Variants in MYO9A observed in about 807,000 individuals in gnomAD.
The protein encoded by MYO9A is unconventional myosin-IXa.
A neutral mutation model predicts 293.3 loss-of-function variants in MYO9A; 103 were observed. The observed-to-expected ratio is 0.35, with a 90% CI of 0.30 to 0.41. The LOEUF (loss-of-function observed/expected upper bound fraction) is 0.41, where lower values mean the gene tolerates loss of function less well. Ranked by LOEUF, MYO9A falls within the 10% of genes least tolerant of loss-of-function variation. The probability of loss-of-function intolerance (pLI) is 1.00; values close to 1 mark genes in which losing one functional copy is unlikely to be tolerated. For missense variants in MYO9A, 2,685 were observed against 3,033.0 expected (o/e 0.89, Z 2.69); for synonymous variants, 1,001 against 1,035.7 (o/e 0.97, Z 0.64).
chr15:72,060,553 G>A (rs2078849752), intron 1 of MYO9A, among the ~76,000 whole-genome samples: 2 of 152,100 alleles, frequency 1.3e-5, no homozygotes, highest in African/African-American at 4.8e-5. Context: ...AGAGATTGTG[G>A]GACTTTGCAT....
At chr15:71,949,717 C>A (rs1488001559) in intron 15 of MYO9A, among the ~76,000 whole-genome samples, 1 of 151,122 alleles carries the variant, frequency 6.6e-6, no homozygotes, top group Non-Finnish European at 1.5e-5. Context: ...ACAGCAGTCG[C>A]CAGGGATATG....
At chr15:72,031,037 C>T (rs563481143) in intron 3 of MYO9A, among the ~76,000 whole-genome samples, 1 of 152,242 alleles carries the variant, frequency 6.6e-6, no homozygotes, top group African/African-American at 2.4e-5. Context: ...GGAATGTAAA[C>T]CCTATTGTGA....
intron 1 of MYO9A, among the ~76,000 whole-genome samples, chr15:72,105,903 G>A (rs2080550097): frequency 6.6e-6 from 1 of 152,022 alleles, no homozygotes; most frequent in Non-Finnish European, 1.5e-5. Context: ...CAAACTCACT[G>A]AATAAAACTA....
chr15:72,103,901 A>AAGC (rs1405842423), intron 1 of MYO9A, among the ~76,000 whole-genome samples: 1 of 152,164 alleles, frequency 6.6e-6, no homozygotes, highest in Non-Finnish European at 1.5e-5. Flanking sequence ...GGTTGGAGGG[A>AAGC]AGCACTTCTG....
chr15:71,838,767 G>A (rs1296992477), intron 39 of MYO9A, among the ~76,000 whole-genome samples: 6 of 152,114 alleles, frequency 3.9e-5, no homozygotes, highest in African/African-American at 1.4e-4. Context: ...TTTTGACAGA[G>A]AGCCAAGATC....
intron 26 of MYO9A, chr15:71,891,508 C>T (rs2057177174): frequency 6.6e-6 from 1 of 152,140 alleles, no homozygotes; most frequent in South Asian, 2.1e-4. Context: ...TTAGTTTGTT[C>T]CATTACATAA....
chr15:71,974,557 A>G (rs566193155), intron 12 of MYO9A, among the ~76,000 whole-genome samples: 2 of 152,342 alleles, frequency 1.3e-5, no homozygotes, highest in East Asian at 3.9e-4. Context: ...TACCAGATGC[A>G]GTGGTCCTAG....
intron 6 of MYO9A, among the ~76,000 whole-genome samples, chr15:72,015,133 G>T (rs962018036): frequency 1.3e-5 from 2 of 151,268 alleles, no homozygotes; most frequent in African/African-American, 2.4e-5. Flanking sequence ...GTGACCCACC[G>T]CACCTGGCCA....
At chr15:71,894,425 A>C (rs950703578) in intron 25 of MYO9A, among the ~76,000 whole-genome samples, 93 of 152,140 alleles carry the variant, frequency 6.1e-4, no homozygotes, top group African/African-American at 2.2e-3. Context: ...AAAAATATAA[A>C]AATTAGCTGG....
At chr15:72,000,453 C>T (rs1261322666) in intron 8 of MYO9A, among the ~76,000 whole-genome samples, 8 of 152,236 alleles carry the variant, frequency 5.3e-5, no homozygotes, top group Admixed American at 5.2e-4. Flanking sequence ...CCTTTGTTCT[C>T]ACTCTCTCCC....
intron 1 of MYO9A, among the ~76,000 whole-genome samples, chr15:72,088,986 A>T (rs1343516119): frequency 6.6e-6 from 1 of 152,212 alleles, no homozygotes; most frequent in Non-Finnish European, 1.5e-5. Context: ...AACATTCCAA[A>T]GGCAAGAGTA....
At position 72,099,067 on chromosome 15, in the gene MYO9A, A is replaced by G. The variant is rs574359120; in HGVS notation, c.-72+18613T>C. 9.8e-5 allele frequency among the ~76,000 whole-genome samples: 15 copies of G among 152,316 alleles called. No individual in the cohort carries two copies. In the East Asian group the frequency reaches 2.9e-3, roughly 29 times the overall value. On this transcript the variant is annotated intron_variant, in intron 1 of 41. Coordinates refer to ENST00000356056, the MANE Select transcript of MYO9A (RefSeq NM_006901.4). ...TTCCAATACTGGGAAGCGGAGGCAGAAAGATCATTTGAGCCCAGAAGTTCG... is the reference window on the plus strand; with the variant it reads ...TTCCAATACTGGGAAGCGGAGGCAGGAAGATCATTTGAGCCCAGAAGTTCG...
chr15:71,869,639 AATTAT>A (rs1325976468), intron 32 of MYO9A, among the ~76,000 whole-genome samples: 1 of 152,154 alleles, frequency 6.6e-6, no homozygotes, highest in Admixed American at 6.5e-5. Flanking sequence ...ATAACACTGC[AATTAT>A]ATTATGTCAA....
chr15:71,992,856 C>A (rs930807392), intron 10 of MYO9A, among the ~76,000 whole-genome samples: 3 of 151,360 alleles, frequency 2.0e-5, no homozygotes, highest in African/African-American at 7.3e-5. Context: ...CTAGAAGAGG[C>A]CTTCCTCTGT....
At chr15:71,972,915 G>T (rs952963621) in intron 12 of MYO9A, among the ~76,000 whole-genome samples, 1 of 152,044 alleles carries the variant, frequency 6.6e-6, no homozygotes, top group South Asian at 2.1e-4. Flanking sequence ...TGGTTCACTG[G>T]CTGCATAAGG....
At chr15:71,893,531 A>G (rs774735031) in intron 26 of MYO9A, 148 bp downstream of exon 26, 7 of 677,508 alleles carry the variant, frequency 1.0e-5, no homozygotes, top group South Asian at 2.0e-5. Context: ...CTTCATAATT[A>G]TAACAATCTC....
chr15:71,897,699 T>C lies in MYO9A; in HGVS notation c.4804A>G (p.Thr1602Ala). The C allele has an allele frequency of 6.2e-7, 1 of 1,614,192 alleles. No homozygotes were observed. The highest frequency in any genetic ancestry group is 8.5e-7 in the Non-Finnish European group (1 of 1,180,034). The change falls in exon 25 of 42, where the codon ACC becomes GCC. Residue 1602 changes from threonine (T) to alanine (A), a missense_variant. Coordinates refer to ENST00000356056, the MANE Select transcript of MYO9A (RefSeq NM_006901.4). The stretch of plus-strand genomic sequence containing the variant: ...CTTCCTTTTCTTTCAAAGAACACGG[T>C]GACAGGTCGGTCCTTTGGGGGTAAG... ...AHLPPKDRPVTVFFERKGSPC... is the reference protein window; with the variant it reads ...AHLPPKDRPVAVFFERKGSPC...
rs141019429 is a variant in MYO9A at position 71,897,963 on chromosome 15, C to T, written c.4540G>A (p.Glu1514Lys). 22 of 1,613,974 alleles carry T rather than the reference C, an allele frequency of 1.4e-5. No homozygotes were observed. Among genetic ancestry groups the T allele is most frequent in the Non-Finnish European group, 1.9e-5 (22 of 1,180,040 alleles). Residue 1514 changes from glutamate to lysine, a missense_variant, in exon 25 of 42, where the codon GAA becomes AAA. Physicochemically the swap from Glu to Lys is moderately conservative, Grantham distance 56. Around this residue, in one of 10 missense-constraint regions of MYO9A, gnomAD observed 1,434 missense variants for 1,497.7 expected, o/e 0.96. Coordinates refer to ENST00000356056, the MANE Select transcript of MYO9A (RefSeq NM_006901.4). ...LQQQNEKEMM[E>K]QIRQQTDILE... ...ATATCTGTTTGCTGGCGAATCTGTT[C>T]CATCATCTCTTTTTCATTCTGTTGC... is the stretch of plus-strand genomic sequence containing the variant.
chr15:72,100,353 G>A (rs931359792), intron 1 of MYO9A, among the ~76,000 whole-genome samples: 2 of 152,158 alleles, frequency 1.3e-5, no homozygotes, highest in Non-Finnish European at 2.9e-5. Flanking sequence ...AGGCTGGAGT[G>A]CAGTGGCGTG....
Sources: allele counts gnomAD v4.1 joint callset (sites outside exome capture counted in the v4.1 genomes callset), GRCh38; gene constraint gnomAD v4.1.1; regional missense constraint gnomAD v4.1.1; transcripts MANE v1.5; gene names NCBI Gene and HGNC (gene_info 2026-07-23, HGNC 2026-07-21).